DIS3L2: variants seen among roughly 807,000 people sequenced by gnomAD.
The protein encoded by DIS3L2 is DIS3 like 3'-5' exoribonuclease 2.
In DIS3L2, 34 loss-of-function variants were observed where a neutral mutation model predicts 97.5. That is an observed-to-expected ratio of 0.35 (90% CI 0.27 to 0.46). DIS3L2 has a LOEUF of 0.46. Among genes scored for constraint, DIS3L2 ranks in the 20% least tolerant of loss-of-function variants. The pLI, the probability that DIS3L2 is intolerant of heterozygous loss-of-function variation, is 1.00. For missense variants in DIS3L2, 1,038 were observed against 1,146.0 expected (o/e 0.91, Z 1.36); for synonymous variants, 435 against 445.2 (o/e 0.98, Z 0.29).
intron 7 of DIS3L2, 122 bp from the exon 8 acceptor site, chr2:232,136,350 T>C: frequency 8.0e-7 from 1 of 1,250,652 alleles, no homozygotes; most frequent in Non-Finnish European, 1.1e-6. Context: ...GAGAGGCACT[T>C]ATTTTGACCT....
intron 1 of DIS3L2, among the ~76,000 whole-genome samples, chr2:231,989,201 C>A (rs1166409528): frequency 1.3e-5 from 2 of 151,974 alleles, no homozygotes; most frequent in Non-Finnish European, 2.9e-5. Flanking sequence ...CTTGTGGTAA[C>A]CTTGCTCAAT....
At chr2:232,264,201 C>T (rs1282350977) in intron 13 of DIS3L2, among the ~76,000 whole-genome samples, 1 of 152,228 alleles carries the variant, frequency 6.6e-6, no homozygotes, top group East Asian at 1.9e-4. Context: ...TGACAGGAGG[C>T]AGAGCTCAGG....
At chr2:232,340,999 C>G (rs1194637155), downstream of DIS3L2, 1 of 462,562 alleles carries the variant, frequency 2.2e-6, no homozygotes, top group East Asian at 7.0e-5. Flanking sequence ...CATCGTGAAA[C>G]GAGAGGAGGT....
intron 9 of DIS3L2, among the ~76,000 whole-genome samples, chr2:232,169,776 G>A (rs1240332200): frequency 6.6e-6 from 1 of 152,140 alleles, no homozygotes; most frequent in Non-Finnish European, 1.5e-5. Flanking sequence ...TTTGGTATTT[G>A]AACAATTATA....
At chr2:232,058,044 T>C (rs1443709136) in intron 5 of DIS3L2, among the ~76,000 whole-genome samples, 2 of 152,210 alleles carry the variant, frequency 1.3e-5, no homozygotes, top group Non-Finnish European at 2.9e-5. Flanking sequence ...AATAGTTATG[T>C]TGTAATTGCA....
At chr2:232,290,071 T>G (rs1193826183) in intron 13 of DIS3L2, among the ~76,000 whole-genome samples, 1 of 152,240 alleles carries the variant, frequency 6.6e-6, no homozygotes, top group Admixed American at 6.5e-5. Context: ...CCTTCGACAG[T>G]AGTTGGCCTG....
At chr2:232,015,301 G>A (rs1190683782) in intron 2 of DIS3L2, among the ~76,000 whole-genome samples, 1 of 152,156 alleles carries the variant, frequency 6.6e-6, no homozygotes, top group African/African-American at 2.4e-5. Flanking sequence ...GCGTGTTGTT[G>A]TGCTGATTTA....
intron 14 of DIS3L2, 28 bp from the exon 15 acceptor site, chr2:232,329,785 T>TGCCGGGGGGGGGGCC: frequency 7.7e-5 from 74 of 967,106 alleles, no homozygotes; most frequent in Non-Finnish European, 9.6e-5. Context: ...ACCCCAGCGG[T>TGCCGGGGGGGGGGCC]CCCTCCCATC....
chr2:231,975,995 TAC>T (rs200951402), intron 1 of DIS3L2, among the ~76,000 whole-genome samples: 1 of 151,128 alleles, frequency 6.6e-6, no homozygotes. Context: ...TACACACACA[TAC>T]ACACACACAC....
chr2:232,227,524 C>T (rs1692682152), intron 10 of DIS3L2, among the ~76,000 whole-genome samples: 2 of 152,170 alleles, frequency 1.3e-5, no homozygotes, highest in African/African-American at 4.8e-5. Flanking sequence ...ATTCTCATAC[C>T]ACAGGCATAC....
chr2:232,294,567 A>C (rs1694678796), intron 13 of DIS3L2, among the ~76,000 whole-genome samples: 2 of 152,008 alleles, frequency 1.3e-5, no homozygotes, highest in Non-Finnish European at 2.9e-5. Flanking sequence ...CCATTCCTTG[A>C]CTTCTTTTTG....
Position 232,136,237 on chromosome 2 carries a change from T to G in DIS3L2, c.703-235T>G, listed in dbSNP as rs553713889. Among the ~76,000 whole-genome samples the G allele has an allele frequency of 1.2e-4, 18 of 152,332 alleles. No individual in the cohort carries two copies. In the East Asian group the frequency reaches 3.5e-3, roughly 29 times the overall value. ...ACAGGTCATGGTAATAAAAGCACTT[T>G]GATTTAATTCATCCATGTATTGCAT... On this transcript the variant is annotated intron_variant, in intron 7 of 20. Coordinates refer to ENST00000325385, the MANE Select transcript of DIS3L2 (RefSeq NM_152383.5).
intron 9 of DIS3L2, among the ~76,000 whole-genome samples, chr2:232,182,630 T>C (rs1180646677): frequency 6.6e-6 from 1 of 152,224 alleles, no homozygotes; most frequent in Non-Finnish European, 1.5e-5. Flanking sequence ...AATTGTTTCA[T>C]TTTCTAGATG....
At chr2:232,254,145 G>A (rs1693490769) in intron 12 of DIS3L2, among the ~76,000 whole-genome samples, 1 of 152,152 alleles carries the variant, frequency 6.6e-6, no homozygotes. Flanking sequence ...TCTGAACCCA[G>A]TCCGTAATAG....
At chr2:232,013,290 A>G (rs1434241363) in intron 1 of DIS3L2, among the ~76,000 whole-genome samples, 1 of 152,186 alleles carries the variant, frequency 6.6e-6, no homozygotes, top group African/African-American at 2.4e-5. Flanking sequence ...TTTTCCTGAA[A>G]CAATTCTAAT....
At position 232,190,065 on chromosome 2, in the gene DIS3L2, C is replaced by T. The variant is rs537959390; in HGVS notation, c.1125-20261C>T. ...AAAGGGGCTGAGCACGGTGGCTCAA[C>T]GCCTGTAATCTCAAAACTTTGGGAG... On this transcript the variant is annotated intron_variant, in intron 9 of 20. Coordinates refer to ENST00000325385, the MANE Select transcript of DIS3L2 (RefSeq NM_152383.5). Among the ~76,000 whole-genome samples the T allele has an allele frequency of 5.3e-5, 8 of 152,228 alleles. No individual in the cohort carries two copies. In the South Asian group the frequency reaches 6.2e-4, roughly 12 times the overall value.
chr2:232,218,263 T>C (rs1362242461), intron 10 of DIS3L2, among the ~76,000 whole-genome samples: 2 of 152,160 alleles, frequency 1.3e-5, no homozygotes, highest in Non-Finnish European at 2.9e-5. Context: ...CACACACACA[T>C]ATATGTCCAT....
In DIS3L2 at chr2:232,221,298, A is replaced by G. The variant is rs139851076; in HGVS notation, c.1204+10893A>G. ...AAATTAAATGGTGCATGTAGATCTT[A>G]TTTTTAAGCTACATATGTTTATGTT... On this transcript the variant is annotated intron_variant, in intron 10 of 20. Coordinates refer to ENST00000325385, the MANE Select transcript of DIS3L2 (RefSeq NM_152383.5). Among the ~76,000 whole-genome samples the G allele has an allele frequency of 2.7e-3, 413 of 152,086 alleles. 2 individuals are homozygous for G. Among genetic ancestry groups the G allele is most frequent in the African/African-American group, 9.2e-3 (380 of 41,490 alleles).
At chr2:232,017,411 C>CT (rs908161020) in intron 3 of DIS3L2, among the ~76,000 whole-genome samples, 2 of 151,934 alleles carry the variant, frequency 1.3e-5, no homozygotes, top group East Asian at 1.9e-4. Flanking sequence ...ATTGGTGTTT[C>CT]TTTTTTTTAA....
Sources: allele counts gnomAD v4.1 joint callset (sites outside exome capture counted in the v4.1 genomes callset), GRCh38; gene constraint gnomAD v4.1.1; transcripts MANE v1.5; gene names NCBI Gene and HGNC (gene_info 2026-07-23, HGNC 2026-07-21).